The following ZP3 variants were observed in gnomAD, a reference collection of about 807,000 sequenced individuals.
ZP3 encodes the protein zona pellucida sperm-binding protein 3.
Under a neutral mutation model 35.6 loss-of-function variants are expected in ZP3, and 21 were observed. The observed-to-expected ratio is 0.59, with a 90% CI of 0.42 to 0.85. The LOEUF (loss-of-function observed/expected upper bound fraction) is 0.85. Among genes scored for constraint, ZP3 ranks in the 40% least tolerant of loss-of-function variants. The pLI, the probability that ZP3 is intolerant of heterozygous loss-of-function variation, is 0.00. For synonymous variants in ZP3, 207 were observed against 214.5 expected, an observed-to-expected ratio of 0.96 and a Z score of 0.31; for missense variants, 437 against 536.5, an observed-to-expected ratio of 0.81 and a Z score of 1.83.
chr7:76,406,223 G>A (rs1041260222), intron 1 of ZP3, among the ~76,000 whole-genome samples: 3 of 151,840 alleles, frequency 2.0e-5, no homozygotes, highest in Admixed American at 6.6e-5. Context: ...GGTGATCCAC[G>A]CGCCTCAGCC....
intron 1 of ZP3, among the ~76,000 whole-genome samples, chr7:76,412,844 C>T (rs1247449399): frequency 4.0e-5 from 6 of 150,124 alleles, no homozygotes; most frequent in Admixed American, 2.7e-4. Flanking sequence ...AGCAAAACTC[C>T]GTCTCAGAAA....
At chr7:76,401,346 TCAGCTCCTGAGCTTTCACTACAAAA>T (rs1804823265) in intron 1 of ZP3, among the ~76,000 whole-genome samples, 1 of 152,202 alleles carries the variant, frequency 6.6e-6, no homozygotes, top group Admixed American at 6.6e-5. Context: ...TACAGGAGTC[TCAGCTCCTGAGCTTTCACTACAAAA>T]CCTTCTAGAA....
At chr7:76,439,866 A>G (rs372714037) in intron 5 of ZP3, 1,031 of 206,408 alleles carry the variant, frequency 5.0e-3, no homozygotes, top group South Asian at 0.025. Context: ...TGTTTATTTT[A>G]TGAGACAGTC....
At chr7:76,429,891 C>T (rs1158742086) in intron 2 of ZP3, among the ~76,000 whole-genome samples, 1 of 152,132 alleles carries the variant, frequency 6.6e-6, no homozygotes, top group African/African-American at 2.4e-5. Context: ...GGTACTATGC[C>T]AGCCTCGGCC....
At chr7:76,403,658 T>G (rs1366831434) in intron 1 of ZP3, among the ~76,000 whole-genome samples, 2 of 150,816 alleles carry the variant, frequency 1.3e-5, no homozygotes, top group Non-Finnish European at 3.0e-5. Context: ...TCTTATTTAT[T>G]TATTTATCTT....
intron 1 of ZP3, among the ~76,000 whole-genome samples, chr7:76,406,531 G>A (rs1397242635): frequency 1.3e-5 from 2 of 150,260 alleles, no homozygotes; most frequent in East Asian, 3.9e-4. Flanking sequence ...TCACCCAGGC[G>A]GCAGTGCAGT....
At chr7:76,435,547 G>A (rs1805967849) in intron 5 of ZP3, among the ~76,000 whole-genome samples, 1 of 152,270 alleles carries the variant, frequency 6.6e-6, no homozygotes, top group Non-Finnish European at 1.5e-5. Context: ...GGGGTTTCCA[G>A]TGCTGGCTCT....
intron 5 of ZP3, among the ~76,000 whole-genome samples, chr7:76,438,538 G>GAAGAAAAA: frequency 1.1e-5 from 1 of 88,564 alleles, no homozygotes; most frequent in East Asian, 3.6e-4. Flanking sequence ...CTCCGTCTCA[G>GAAGAAAAA]AAAAAAAAAA....
upstream of ZP3, chr7:76,424,892 C>G (rs963232466): frequency 3.1e-5 from 43 of 1,391,916 alleles, no homozygotes; most frequent in Admixed American, 6.0e-4. Context: ...AAGCTGAGAG[C>G]CCAGGTGGCA....
intron 5 of ZP3, among the ~76,000 whole-genome samples, chr7:76,436,050 T>C (rs1584070735): frequency 2.5e-3 from 151 of 61,224 alleles, no homozygotes; most frequent in African/African-American, 0.01. Flanking sequence ...TTTTTTTTTT[T>C]TTTTTTTTTT....
At chr7:76,418,800 G>A (rs1018486307) in intron 1 of ZP3, among the ~76,000 whole-genome samples, 5 of 152,130 alleles carry the variant, frequency 3.3e-5, no homozygotes, top group African/African-American at 9.7e-5. Flanking sequence ...AGCTTGCAAT[G>A]AGCGGAGATC....
In ZP3 at chr7:76,410,793, G is replaced by A. The variant is rs191413242; in HGVS notation, c.-67+12996G>A. ...GCAGATCACTTGAGGTCAGGAGTTC[G>A]AGACCAGCCTGGCTGACATGGTGAA... On this transcript the variant is annotated intron_variant, in intron 1 of 8. Transcript: ENST00000336517. Among the ~76,000 whole-genome samples, 303 of 151,840 alleles carry A rather than the reference G, an allele frequency of 2.0e-3. 5 individuals carry two copies. The highest frequency in any genetic ancestry group is 0.02 in the South Asian group (94 of 4,804).
intron 1 of ZP3, among the ~76,000 whole-genome samples, chr7:76,398,307 C>CTTT (rs1309414426): frequency 1.5e-5 from 2 of 132,780 alleles, no homozygotes; most frequent in African/African-American, 2.8e-5. Flanking sequence ...CATTCATTTT[C>CTTT]TATTTTTTTT....
At chr7:76,423,033 A>AGAGAG (rs1805552915), upstream of ZP3, among the ~76,000 whole-genome samples, 1 of 77,464 alleles carries the variant, frequency 1.3e-5, no homozygotes, top group African/African-American at 5.5e-5. Context: ...GAGAGAAAGA[A>AGAGAG]AGAAAGAAAG....
In ZP3 at chr7:76,401,112, C is replaced by G. The variant is rs972353983; in HGVS notation, c.-67+3315C>G. The G allele has an allele frequency of 4.1e-6, 6 of 1,466,946 alleles. No individual in the cohort carries two copies. In the Admixed American group the frequency reaches 1.5e-4, roughly 36 times the overall value. The allele number at this position is 1,466,946 out of a possible 1,614,324, so 90.9% of individuals were successfully genotyped here. Reference sequence around the variant, plus strand: ...ATGGCTCCCTGGTCCCAGGAACACACCCCCCAACTCCCACAGTCCTCAACA... The same window carrying G: ...ATGGCTCCCTGGTCCCAGGAACACAGCCCCCAACTCCCACAGTCCTCAACA... On this transcript the variant is annotated intron_variant, in intron 1 of 8. Transcript: ENST00000336517.
intron 1 of ZP3, among the ~76,000 whole-genome samples, chr7:76,419,786 C>G (rs1340405285): frequency 6.9e-6 from 1 of 144,196 alleles, no homozygotes; most frequent in Non-Finnish European, 1.5e-5. Context: ...CCTCCTCCTC[C>G]TCCTCCCCCT....
At chr7:76,407,743 GA>G (rs528905216) in intron 1 of ZP3, among the ~76,000 whole-genome samples, 8 of 151,110 alleles carry the variant, frequency 5.3e-5, no homozygotes, top group South Asian at 2.1e-4. Flanking sequence ...TAACTAAAAA[GA>G]AAAAAAAAGT....
intron 3 of ZP3, 104 bp downstream of exon 3, chr7:76,433,134 G>GTT (rs1805883470): frequency 2.1e-6 from 1 of 474,416 alleles, no homozygotes; most frequent in South Asian, 2.4e-5. Flanking sequence ...TTTGGTTTTG[G>GTT]TTGGTTTTGG....
chr7:76,438,403 C>A (rs562386083), intron 5 of ZP3, among the ~76,000 whole-genome samples: 4 of 152,306 alleles, frequency 2.6e-5, no homozygotes, highest in African/African-American at 9.6e-5. Context: ...ACTACAAATA[C>A]AAAAACTAGC....
Sources: gnomAD v4.1 joint callset for allele counts (sites outside exome capture counted in the v4.1 genomes callset) on GRCh38, gnomAD v4.1.1 for gene constraint, MANE v1.5 for transcripts, NCBI Gene and HGNC (gene_info 2026-07-23, HGNC 2026-07-21) for gene names.